The following IL33 variants were observed in gnomAD, a reference collection of about 807,000 sequenced individuals.
IL33 encodes interleukin 33, also known as interleukin-33.
A neutral mutation model predicts 27.3 loss-of-function variants in IL33; 37 were observed. The ratio of observed to expected loss-of-function variants is 1.36; its 90% CI spans 1.04 to 1.78. The LOEUF is 1.78. Among genes scored for constraint, IL33 ranks in the 40% most tolerant of loss-of-function variants. The pLI, the probability that IL33 is intolerant of heterozygous loss-of-function variation, is 0.00. For synonymous variants in IL33, 132 were observed against 102.9 expected, an observed-to-expected ratio of 1.28 and a Z score of -1.71; for missense variants, 406 against 311.4, an observed-to-expected ratio of 1.30 and a Z score of -2.29.
intron 1 of IL33, among the ~76,000 whole-genome samples, chr9:6,229,631 C>T (rs1160066652): frequency 6.6e-6 from 1 of 152,146 alleles, no homozygotes; most frequent in African/African-American, 2.4e-5. Context: ...GGTAGGGTCC[C>T]CACATCTGTC....
At chr9:6,226,634 T>C (rs1287862595) in intron 1 of IL33, among the ~76,000 whole-genome samples, 1 of 152,262 alleles carries the variant, frequency 6.6e-6, no homozygotes, top group Non-Finnish European at 1.5e-5. Flanking sequence ...TGAGTTTTAA[T>C]TTCAGTAATA....
At chr9:6,230,791 G>C (rs1402129418) in intron 1 of IL33, among the ~76,000 whole-genome samples, 2 of 152,154 alleles carry the variant, frequency 1.3e-5, no homozygotes, top group East Asian at 3.9e-4. Context: ...ACAAGGAGAT[G>C]AATCAAATAT....
intron 1 of IL33, among the ~76,000 whole-genome samples, chr9:6,231,746 T>C (rs1228655271): frequency 1.3e-5 from 2 of 152,180 alleles, no homozygotes; most frequent in Non-Finnish European, 2.9e-5. Context: ...CTCCATGCTG[T>C]AGTACAAGCA....
In IL33 at chr9:6,254,478, T is replaced by C. The variant is rs1262825636; in HGVS notation, c.537T>C (p.Gly179=). ...AATTGTAAGGTGACGGTGTTGATGG[T>C]AAGATGTTAATGGTAACCCTGAGTC... ...PSNESGDGVD[G]KMLMVTLSPT... is the part of the protein sequence containing the mutation. The change falls in exon 7 of 8, where the codon GGT becomes GGC. Residue 179 remains glycine, a synonymous_variant. Coordinates refer to ENST00000682010, the MANE Select transcript of IL33 (RefSeq NM_033439.4). 2 of 1,590,152 alleles carry C rather than the reference T, an allele frequency of 1.3e-6. No homozygotes were observed. Among genetic ancestry groups the C allele is most frequent in the Non-Finnish European group, 1.7e-6 (2 of 1,164,996 alleles).
At chr9:6,248,538 T>G (rs1000144867) in intron 2 of IL33, among the ~76,000 whole-genome samples, 3 of 152,072 alleles carry the variant, frequency 2.0e-5, no homozygotes, top group African/African-American at 4.8e-5. Context: ...ATTCTTGGAT[T>G]TGCCTGCCTC....
intron 7 of IL33, among the ~76,000 whole-genome samples, chr9:6,254,863 A>G (rs2130471161): frequency 6.6e-6 from 1 of 152,288 alleles, no homozygotes; most frequent in African/African-American, 2.4e-5. Context: ...ATATTTTAAT[A>G]AATCTCCAGG....
chr9:6,239,963 C>T (rs765314833), intron 1 of IL33, among the ~76,000 whole-genome samples: 27 of 152,190 alleles, frequency 1.8e-4, no homozygotes, highest in Non-Finnish European at 3.7e-4. Flanking sequence ...TTTAACATTC[C>T]ATAGGTTTTC....
At chr9:6,241,897 A>T in intron 2 of IL33, 112 bp downstream of exon 2, 1 of 750,054 alleles carries the variant, frequency 1.3e-6, no homozygotes, top group East Asian at 2.8e-5. Flanking sequence ...TAAGAATACA[A>T]GAACTAAAAT....
intron 1 of IL33, among the ~76,000 whole-genome samples, chr9:6,232,622 T>C (rs1818978360): frequency 6.6e-6 from 1 of 152,186 alleles, no homozygotes; most frequent in African/African-American, 2.4e-5. Flanking sequence ...CTCCATTTTC[T>C]TGTGTGCACA....
At chr9:6,251,550 CT>C (rs1217274495) in intron 4 of IL33, among the ~76,000 whole-genome samples, 1 of 151,938 alleles carries the variant, frequency 6.6e-6, no homozygotes, top group Middle Eastern at 3.2e-3. Context: ...AATATGTTAT[CT>C]TTTGGGAAAA....
chr9:6,216,283 A>G (rs1312837420), intron 1 of IL33, among the ~76,000 whole-genome samples: 2 of 152,318 alleles, frequency 1.3e-5, no homozygotes, highest in South Asian at 2.1e-4. Flanking sequence ...GGCACACGCC[A>G]CTATGCCTGG....
intron 1 of IL33, among the ~76,000 whole-genome samples, chr9:6,233,237 C>A (rs1025279623): frequency 6.6e-6 from 1 of 152,132 alleles, no homozygotes; most frequent in Non-Finnish European, 1.5e-5. Context: ...AACTTCAAAC[C>A]AATGCTTATT....
intron 6 of IL33, 44 bp downstream of exon 6, chr9:6,253,646 T>A (rs1248939749): frequency 2.0e-6 from 3 of 1,480,268 alleles, no homozygotes; most frequent in Non-Finnish European, 9.3e-7. Context: ...AATTCTTAAG[T>A]ATGGGGTAAA....
chr9:6,227,402 C>T (rs182673626), intron 1 of IL33, among the ~76,000 whole-genome samples: 1 of 152,324 alleles, frequency 6.6e-6, no homozygotes, highest in Admixed American at 6.5e-5. Flanking sequence ...TTTAAAAATA[C>T]ATCTTGCAGC....
chr9:6,233,185 T>C (rs1377011096), intron 1 of IL33, among the ~76,000 whole-genome samples: 1 of 152,196 alleles, frequency 6.6e-6, no homozygotes, highest in Admixed American at 6.5e-5. Flanking sequence ...CTTTTTTATA[T>C]TCTCTAAGGA....
At chr9:6,228,206 T>G (rs930351987) in intron 1 of IL33, among the ~76,000 whole-genome samples, 24 of 150,842 alleles carry the variant, frequency 1.6e-4, no homozygotes, top group Admixed American at 1.1e-3. Flanking sequence ...TCCAAGCACT[T>G]TGGGTGACCA....
intron 7 of IL33, 79 bp from the exon 8 acceptor site, chr9:6,255,889 T>C: frequency 9.0e-7 from 1 of 1,113,804 alleles, no homozygotes; most frequent in Non-Finnish European, 1.4e-6. Context: ...TATTCCCCTT[T>C]AGTTTCCAAT....
chr9:6,236,772 G>C (rs1819235218), intron 1 of IL33, among the ~76,000 whole-genome samples: 1 of 152,216 alleles, frequency 6.6e-6, no homozygotes, highest in Non-Finnish European at 1.5e-5. Context: ...TTGGGAGGCT[G>C]AGACAGAAGA....
At chr9:6,227,752 A>G (rs2210463) in intron 1 of IL33, among the ~76,000 whole-genome samples, 49,566 of 151,988 alleles carry the variant, frequency 0.33, 9,162 homozygotes, top group African/African-American at 0.5. Context: ...CCTCCTTACA[A>G]GGTCAAATAA....
Sources: gnomAD v4.1 joint callset for allele counts (sites outside exome capture counted in the v4.1 genomes callset) on GRCh38, gnomAD v4.1.1 for gene constraint, MANE v1.5 for transcripts, NCBI Gene and HGNC (gene_info 2026-07-23, HGNC 2026-07-21) for gene names.